The following PRKCA variants were observed in gnomAD, a reference collection of about 807,000 sequenced individuals.
PRKCA encodes protein kinase C alpha type.
In PRKCA, 27 loss-of-function variants were observed where a neutral mutation model predicts 87.0. That is an observed-to-expected ratio of 0.31 (90% confidence interval 0.23 to 0.43). The LOEUF (loss-of-function observed/expected upper bound fraction) is 0.43. Ranked by LOEUF, PRKCA falls within the 20% of genes least tolerant of loss-of-function variation. PRKCA has a pLI of 1.00. For synonymous variants in PRKCA, 329 were observed against 311.1 expected (o/e 1.06, Z -0.61); for missense variants, 518 against 852.3 (o/e 0.61, Z 4.88).
At chr17:66,670,706 A>T (rs1473299794) in intron 5 of PRKCA, among the ~76,000 whole-genome samples, 1 of 151,916 alleles carries the variant, frequency 6.6e-6, no homozygotes, top group East Asian at 1.9e-4. Flanking sequence ...CCCAAAAAAA[A>T]CACAGAAATG....
chr17:66,640,646 G>A (rs957938043), intron 3 of PRKCA, among the ~76,000 whole-genome samples: 1 of 152,170 alleles, frequency 6.6e-6, no homozygotes, highest in African/African-American at 2.4e-5. Flanking sequence ...ATCCATTTAG[G>A]GTTGTTCCGT....
chr17:66,697,761 A>G lies in PRKCA; in HGVS notation c.918+8714A>G, dbSNP rs1034116640. On this transcript the variant is annotated intron_variant, in intron 8 of 16. Coordinates refer to ENST00000413366, the MANE Select transcript of PRKCA (RefSeq NM_002737.3). ...GAAGCCCATCCACGAGCTGCTTGAG[A>G]CACCTCATCTACTGTTCCCAAACTC... 2.6e-5 allele frequency among the ~76,000 whole-genome samples: 4 copies of G among 152,102 alleles called. No homozygotes were observed. The East Asian group carries it at 7.7e-4, about 29-fold the overall frequency.
At chr17:66,577,279 G>A (rs936599543) in intron 3 of PRKCA, among the ~76,000 whole-genome samples, 1 of 152,104 alleles carries the variant, frequency 6.6e-6, no homozygotes, top group African/African-American at 2.4e-5. Context: ...GTGAGAGTCC[G>A]GCGATGGGGA....
At chr17:66,603,836 C>T (rs1165831739) in intron 3 of PRKCA, among the ~76,000 whole-genome samples, 3 of 152,184 alleles carry the variant, frequency 2.0e-5, no homozygotes, top group Non-Finnish European at 4.4e-5. Context: ...CTGCTCCAGA[C>T]ACCTCACATA....
At chr17:66,435,173 A>C (rs1913310338) in intron 2 of PRKCA, among the ~76,000 whole-genome samples, 1 of 152,212 alleles carries the variant, frequency 6.6e-6, no homozygotes, top group Admixed American at 6.5e-5. Context: ...GCTTGAGGGC[A>C]AAGAGGGGCT....
At chr17:66,713,860 A>G (rs1194977130) in intron 8 of PRKCA, among the ~76,000 whole-genome samples, 3 of 152,154 alleles carry the variant, frequency 2.0e-5, no homozygotes, top group East Asian at 1.9e-4. Flanking sequence ...GGCTCTGTCC[A>G]TGAATTCCCA....
intron 3 of PRKCA, among the ~76,000 whole-genome samples, chr17:66,561,436 T>C (rs1968675659): frequency 1.3e-5 from 2 of 152,224 alleles, no homozygotes; most frequent in African/African-American, 2.4e-5. Context: ...ATCATGCCAC[T>C]GAGAATGTAT....
At chr17:66,751,613 C>T (rs145023740) in intron 13 of PRKCA, among the ~76,000 whole-genome samples, 1 of 152,322 alleles carries the variant, frequency 6.6e-6, no homozygotes, top group Non-Finnish European at 1.5e-5. Flanking sequence ...GCATAATTAA[C>T]ATTTTGCACA....
intron 16 of PRKCA, chr17:66,796,505 T>C (rs1000500578): frequency 1.0e-6 from 1 of 985,378 alleles, no homozygotes; most frequent in South Asian, 4.7e-5. Flanking sequence ...GGTGAGCACG[T>C]TTCCAGAACC....
chr17:66,542,655 T>C (rs1968022640), intron 3 of PRKCA, among the ~76,000 whole-genome samples: 1 of 152,114 alleles, frequency 6.6e-6, no homozygotes, highest in South Asian at 2.1e-4. Flanking sequence ...GGGATTCCTC[T>C]GCAAAGGCCT....
At chr17:66,648,917 AC>A (rs1331927846) in intron 5 of PRKCA, among the ~76,000 whole-genome samples, 4 of 151,756 alleles carry the variant, frequency 2.6e-5, no homozygotes, top group South Asian at 2.1e-4. Flanking sequence ...ACATGGTAAA[AC>A]CCCATCTCTA....
At chr17:66,782,597 G>A (rs754239123) in intron 14 of PRKCA, among the ~76,000 whole-genome samples, 68 of 152,294 alleles carry the variant, frequency 4.5e-4, no homozygotes, top group Admixed American at 3.9e-4. Flanking sequence ...CGCTCTCTAC[G>A]GGATGACTTG....
intron 13 of PRKCA, among the ~76,000 whole-genome samples, chr17:66,760,133 T>G (rs879501197): frequency 6.6e-6 from 1 of 152,136 alleles, no homozygotes; most frequent in Non-Finnish European, 1.5e-5. Context: ...ACATAGAACA[T>G]TCACCAATAT....
intron 3 of PRKCA, among the ~76,000 whole-genome samples, chr17:66,546,283 T>C (rs1968142364): frequency 6.6e-6 from 1 of 152,234 alleles, no homozygotes; most frequent in African/African-American, 2.4e-5. Context: ...TTACTTCATT[T>C]TATTATGTTT....
intron 13 of PRKCA, among the ~76,000 whole-genome samples, chr17:66,772,539 A>C (rs1001739081): frequency 2.0e-5 from 3 of 152,164 alleles, no homozygotes; most frequent in African/African-American, 7.2e-5. Context: ...TAAAAGTTGT[A>C]AGCGAAATGG....
chr17:66,525,030 G>A (rs1003444103), intron 3 of PRKCA, among the ~76,000 whole-genome samples: 4 of 152,186 alleles, frequency 2.6e-5, no homozygotes, highest in African/African-American at 9.7e-5. Context: ...TGTGAGTCAA[G>A]TGGCTTTGTG....
rs1220035306 is a variant in PRKCA at position 66,752,817 on chromosome 17, G to GT, written c.1524+10057_1524+10058insT. ...CACTGAGCTTCTTGACATGGTGCTG[G>GT]CTACTAAAAGGCCAAAAACAGAAGC... On this transcript the variant is annotated intron_variant, in intron 13 of 16. Transcript: ENST00000413366. Among the ~76,000 whole-genome samples, 5 of 152,198 alleles carry GT rather than the reference G, an allele frequency of 3.3e-5. No individual in the cohort carries two copies. In the East Asian group the frequency reaches 9.7e-4, roughly 29 times the overall value.
At chr17:66,560,019 C>T (rs781174189) in intron 3 of PRKCA, among the ~76,000 whole-genome samples, 14 of 152,128 alleles carry the variant, frequency 9.2e-5, no homozygotes, top group Non-Finnish European at 1.8e-4. Context: ...GCCTCACAGC[C>T]GAATGACTTC....
At chr17:66,585,911 A>G (rs772772890) in intron 3 of PRKCA, among the ~76,000 whole-genome samples, 1 of 152,212 alleles carries the variant, frequency 6.6e-6, no homozygotes, top group Admixed American at 6.5e-5. Context: ...TTGAGTCTGA[A>G]TGCAGTCATT....
Sources: allele counts gnomAD v4.1 joint callset (sites outside exome capture counted in the v4.1 genomes callset), GRCh38; gene constraint gnomAD v4.1.1; transcripts MANE v1.5; gene names NCBI Gene and HGNC (gene_info 2026-07-23, HGNC 2026-07-21).